Variants in DACH2 observed in about 807,000 individuals in gnomAD.
DACH2 encodes dachshund family transcription factor 2.
Under a neutral mutation model 35.8 loss-of-function variants are expected in DACH2, and 17 were observed. That is an observed-to-expected ratio of 0.48 (90% CI 0.33 to 0.71). The LOEUF (loss-of-function observed/expected upper bound fraction) is 0.71. DACH2 is among the 30% of genes least tolerant of loss of function. DACH2 has a pLI of 0.02. For missense variants in DACH2, 469 were observed against 472.7 expected, an observed-to-expected ratio of 0.99 and a Z score of 0.07; for synonymous variants, 195 against 177.3, an observed-to-expected ratio of 1.10 and a Z score of -0.79.
intron 1 of DACH2, among the ~76,000 whole-genome samples, chrX:86,240,246 A>G (rs370451428): frequency 9.0e-6 from 1 of 111,155 alleles, no homozygotes; most frequent in East Asian, 2.8e-4. Context: ...AGAATTGTAA[A>G]CATACGCTCA....
intron 5 of DACH2, among the ~76,000 whole-genome samples, chrX:86,703,303 G>C (rs1008992673): frequency 9.0e-6 from 1 of 111,122 alleles, no homozygotes; most frequent in Non-Finnish European, 1.9e-5. Context: ...CAAACCAACA[G>C]CCAGCATCAT....
chrX:86,732,036 TC>T (rs373407382), intron 6 of DACH2, among the ~76,000 whole-genome samples: 35 of 112,321 alleles, frequency 3.1e-4, no homozygotes, highest in African/African-American at 1.1e-3. Context: ...TTTCAAGTGC[TC>T]AATAGTCACA....
chrX:86,398,757 G>A (rs751825015), intron 2 of DACH2, among the ~76,000 whole-genome samples: 119 of 112,123 alleles, frequency 1.1e-3, no homozygotes, highest in Non-Finnish European at 2.0e-3. Flanking sequence ...CTGAGAGACA[G>A]TTTGTTACAA....
At chrX:86,633,501 A>G (rs1317609240) in intron 3 of DACH2, among the ~76,000 whole-genome samples, 1 of 111,587 alleles carries the variant, frequency 9.0e-6, no homozygotes, top group African/African-American at 3.3e-5. Context: ...GGACTAGATA[A>G]ATTCACGGAC....
chrX:86,598,703 C>G (rs1015640572), intron 3 of DACH2, among the ~76,000 whole-genome samples: 22 of 110,397 alleles, frequency 2.0e-4, no homozygotes, highest in African/African-American at 6.9e-4. Context: ...CATCTAAAAT[C>G]TCCATTGTAT....
intron 7 of DACH2, among the ~76,000 whole-genome samples, chrX:86,779,129 A>G (rs953158945): frequency 1.8e-5 from 2 of 111,968 alleles, no homozygotes; most frequent in Non-Finnish European, 3.8e-5. Context: ...TCTATTACCT[A>G]TTTATTTAAT....
rs187502655 is a variant in DACH2 at position 86,479,823 on chromosome X, T to A, written c.528-34456T>A. Among the ~76,000 whole-genome samples, 563 of 112,710 alleles carry A rather than the reference T, an allele frequency of 5.0e-3. 4 individuals carry two copies. Among genetic ancestry groups the A allele is most frequent in the African/African-American group, 0.017 (534 of 31,067 alleles). On this transcript the variant is annotated intron_variant, in intron 2 of 11. Transcript: ENST00000373125. Reference sequence around the variant, plus strand: ...CAACTCCAGATTTTCTGCTTCTTTTTAAATATTTCAATATCTTTGTTAAAT... The same window carrying A: ...CAACTCCAGATTTTCTGCTTCTTTTAAAATATTTCAATATCTTTGTTAAAT...
At chrX:86,420,617 C>T (rs1473547667) in intron 2 of DACH2, among the ~76,000 whole-genome samples, 1 of 111,629 alleles carries the variant, frequency 9.0e-6, no homozygotes, top group Non-Finnish European at 1.9e-5. Context: ...GGTATAATTA[C>T]ATTACAGAAA....
chrX:86,481,514 T>C (rs902774607), intron 2 of DACH2: 1 of 112,335 alleles, frequency 8.9e-6, no homozygotes, highest in African/African-American at 3.2e-5. Flanking sequence ...CTAGTTGTTA[T>C]CTGTATACCA....
chrX:86,286,115 G>GTTTTT lies in DACH2; in HGVS notation c.489-90689_489-90685dup, dbSNP rs753864299. 8.0e-3 allele frequency among the ~76,000 whole-genome samples: 365 copies of GTTTTT among 45,762 alleles called. 26 individuals carry two copies. Among genetic ancestry groups the GTTTTT allele is most frequent in the Middle Eastern group, 0.033 (1 of 30 alleles). The allele number at this position is 45,762 out of a possible 115,157, so 39.7% of individuals were successfully genotyped here. A position where few individuals can be genotyped will look rare whatever the true frequency, so the allele number is the denominator to read the frequency against. ...GTTCTTCCATCCATTCAGCCAGTCTGTTTTTTTTTTTTTTTTTTTTTTTTG... is the reference window on the plus strand; with the variant it reads ...GTTCTTCCATCCATTCAGCCAGTCTGTTTTTTTTTTTTTTTTTTTTTTTTTTTTTG... On this transcript the variant is annotated intron_variant, in intron 1 of 11. Coordinates refer to ENST00000373125, the MANE Select transcript of DACH2 (RefSeq NM_053281.3).
chrX:86,293,912 T>C (rs1453333089), intron 1 of DACH2, among the ~76,000 whole-genome samples: 1 of 111,035 alleles, frequency 9.0e-6, no homozygotes, highest in African/African-American at 3.3e-5. Flanking sequence ...TTGGAGGTGC[T>C]CTTCTCGAGG....
intron 7 of DACH2, among the ~76,000 whole-genome samples, chrX:86,789,702 C>G (rs1345302057): frequency 9.0e-6 from 1 of 111,635 alleles, no homozygotes; most frequent in Admixed American, 9.5e-5. Context: ...TGGCCATGTG[C>G]ATAACACTGA....
At chrX:86,627,911 A>C (rs2040156250) in intron 3 of DACH2, among the ~76,000 whole-genome samples, 1 of 112,412 alleles carries the variant, frequency 8.9e-6, no homozygotes, top group African/African-American at 3.2e-5. Context: ...TCAGTGTTTG[A>C]GTGAACCATC....
intron 3 of DACH2, among the ~76,000 whole-genome samples, chrX:86,569,069 G>A (rs900138893): frequency 4.5e-5 from 5 of 111,366 alleles, no homozygotes; most frequent in African/African-American, 6.5e-5. Context: ...ACAAGATTTA[G>A]CCCACAGTCT....
chrX:86,378,652 C>G (rs2036002646), intron 2 of DACH2, among the ~76,000 whole-genome samples: 1 of 111,257 alleles, frequency 9.0e-6, no homozygotes, highest in South Asian at 3.7e-4. Context: ...ACTGCACAGG[C>G]AAAACAAAAT....
chrX:86,556,827 G>GA (rs1556309064), intron 3 of DACH2, among the ~76,000 whole-genome samples: 100 of 85,499 alleles, frequency 1.2e-3, no homozygotes, highest in Middle Eastern at 6.9e-3. Flanking sequence ...GAGAGAGAGA[G>GA]AGAAGAAGAA....
intron 6 of DACH2, among the ~76,000 whole-genome samples, chrX:86,738,929 A>G (rs2041625163): frequency 9.0e-6 from 1 of 111,251 alleles, no homozygotes; most frequent in African/African-American, 3.3e-5. Flanking sequence ...CTGGAGTGCA[A>G]TGGCGTGACT....
At chrX:86,679,439 A>G (rs550845631) in intron 4 of DACH2, among the ~76,000 whole-genome samples, 1 of 111,983 alleles carries the variant, frequency 8.9e-6, no homozygotes, top group African/African-American at 3.2e-5. Context: ...ATTGTTGACA[A>G]TGCACAAATA....
chrX:86,234,675 G>A (rs1459084571), intron 1 of DACH2, among the ~76,000 whole-genome samples: 1 of 107,311 alleles, frequency 9.3e-6, no homozygotes, highest in Non-Finnish European at 1.9e-5. Context: ...GTGCAGTGGT[G>A]CGATCTCGGC....
Sources: gnomAD v4.1 joint callset for allele counts (sites outside exome capture counted in the v4.1 genomes callset) on GRCh38, gnomAD v4.1.1 for gene constraint, MANE v1.5 for transcripts, NCBI Gene and HGNC (gene_info 2026-07-23, HGNC 2026-07-21) for gene names.